Variants in RBSN observed in about 807,000 individuals in gnomAD.
RBSN encodes rabenosyn-5.
Under a neutral mutation model 60.5 loss-of-function variants are expected in RBSN, and 34 were observed. The ratio of observed to expected loss-of-function variants is 0.56; its 90% CI spans 0.43 to 0.75. The LOEUF is 0.75. Ranked by LOEUF, RBSN falls within the 30% of genes least tolerant of loss-of-function variation. The pLI, the probability that RBSN is intolerant of heterozygous loss-of-function variation, is 0.00. For missense variants in RBSN, 845 were observed against 986.8 expected (o/e 0.86, Z 1.92); for synonymous variants, 322 against 366.9 (o/e 0.88, Z 1.40).
At chr3:15,078,286 A>G (rs1220090361) in intron 10 of RBSN, 125 bp from the exon 11 acceptor site, 11 of 719,818 alleles carry the variant, frequency 1.5e-5, no homozygotes, top group Non-Finnish European at 2.4e-5. Context: ...GGCATTTCAG[A>G]CTTTCAGATA....
chr3:15,089,478 C>CAAAA (rs796324060), intron 5 of RBSN, among the ~76,000 whole-genome samples: 51 of 79,174 alleles, frequency 6.4e-4, no homozygotes, highest in Admixed American at 1.3e-3. Context: ...AAAAAAAAAA[C>CAAAA]AAAAAAAAAA....
chr3:15,085,151 G>A (rs2043306777), intron 6 of RBSN, 106 bp from the exon 7 acceptor site: 1 of 1,300,946 alleles, frequency 7.7e-7, no homozygotes. Context: ...CATTCCTCAA[G>A]TCTCATCTGT....
At chr3:15,094,681 C>A (rs1224706165) in intron 4 of RBSN, among the ~76,000 whole-genome samples, 1 of 152,210 alleles carries the variant, frequency 6.6e-6, no homozygotes, top group Admixed American at 6.5e-5. Flanking sequence ...CACCAAAGCC[C>A]TCAGGATTTC....
In RBSN at chr3:15,071,556, G is replaced by A. The variant is rs1185671149; in HGVS notation, c.*2226C>T. ...CTGACATTCATTAACACACTCATAT[G>A]GCTGTTTGTGAACAGATCCCAAATG... On this transcript the variant is annotated 3_prime_UTR_variant, in exon 14 of 14. Coordinates refer to ENST00000253699, the MANE Select transcript of RBSN (RefSeq NM_022340.4). 4 of 152,186 alleles carry A rather than the reference G, an allele frequency of 2.6e-5. No individual in the cohort carries two copies. 9.4% of individuals were successfully genotyped at this position (152,186 alleles called of 1,614,324 possible).
At position 15,082,474 on chromosome 3, in the gene RBSN, C is replaced by A. The variant is rs1192877985; in HGVS notation, c.733G>T (p.Asp245Tyr). The A allele has an allele frequency of 6.2e-7, 1 of 1,614,190 alleles. No homozygotes were observed. The highest frequency in any genetic ancestry group is 8.5e-7 in the Non-Finnish European group (1 of 1,180,030). Residue 245 changes from aspartate to tyrosine, a missense_variant, in exon 9 of 14, where the codon GAC (aspartate) becomes TAC (tyrosine). Coordinates refer to ENST00000253699, the MANE Select transcript of RBSN (RefSeq NM_022340.4). This position sits in a 1 kb window ranked among gnomAD's most constrained non-coding sequence, Gnocchi z 4.2. ...GTACAGCAGCGGATCCGGTCATCGTCCTTCTCATCCAGGACCGAGCTGACA... is the reference window on the plus strand; with the variant it reads ...GTACAGCAGCGGATCCGGTCATCGTACTTCTCATCCAGGACCGAGCTGACA... ...SSVSSVLDEK[D>Y]DDRIRCCTHC... is the part of the protein sequence containing the mutation.
At chr3:15,086,616 C>T (rs1351657291) in intron 5 of RBSN, among the ~76,000 whole-genome samples, 1 of 152,234 alleles carries the variant, frequency 6.6e-6, no homozygotes, top group Non-Finnish European at 1.5e-5. Flanking sequence ...AAAGTCTTAA[C>T]TGACTCTCAT....
chr3:15,076,447 GA>G (rs924655370), intron 12 of RBSN, among the ~76,000 whole-genome samples: 101 of 138,628 alleles, frequency 7.3e-4, no homozygotes, highest in Non-Finnish European at 1.2e-3. Context: ...TTTAATAAAA[GA>G]AAAAAAAAAC....
chr3:15,089,495 T>C lies in RBSN; in HGVS notation c.289+904A>G, dbSNP rs7635974. Among the ~76,000 whole-genome samples the C allele has an allele frequency of 4.8e-3, 546 of 113,526 alleles. 3 individuals are homozygous for C. The highest frequency in any genetic ancestry group is 0.016 in the African/African-American group (518 of 32,382). 74.5% of individuals were successfully genotyped at this position (113,526 alleles called of 152,430 possible). On this transcript the variant is annotated intron_variant, in intron 5 of 13. Coordinates refer to ENST00000253699, the MANE Select transcript of RBSN (RefSeq NM_022340.4). ...AAAAAAAACAAAAAAAAAAAACAGATATGTAAGATTAGATAGTTCAACTAA... is the reference window on the plus strand; with the variant it reads ...AAAAAAAACAAAAAAAAAAAACAGACATGTAAGATTAGATAGTTCAACTAA...
intron 8 of RBSN, among the ~76,000 whole-genome samples, chr3:15,083,762 A>G (rs2043267084): frequency 6.6e-6 from 1 of 152,044 alleles, no homozygotes; most frequent in Admixed American, 6.6e-5. Context: ...TCTTTTCTAT[A>G]TGGCAGTGAG....
At position 15,073,792 on chromosome 3, in the gene RBSN, C is replaced by T; in HGVS notation, c.2345G>A (p.Gly782Asp). The change falls in exon 14 of 14, where the codon GGC becomes GAC. Residue 782 changes from glycine (G) to aspartate (D), a missense_variant. Gly to Asp is a moderately conservative substitution (Grantham distance 94). Coordinates refer to ENST00000253699, the MANE Select transcript of RBSN (RefSeq NM_022340.4). ...LKHTLAKQKG[G>D]TD ...CCTCTCCACTGCTGGTCAGTCAGTG[C>T]CCCCCTTCTGCTTGGCCAGGGTGTG... The T allele has an allele frequency of 6.2e-7, 1 of 1,600,572 alleles. No individual in the cohort carries two copies. The highest frequency in any genetic ancestry group is 1.8e-4 in the Middle Eastern group (1 of 5,670).
At chr3:15,089,472 A>AC (rs2043443829) in intron 5 of RBSN, among the ~76,000 whole-genome samples, 4 of 110,216 alleles carry the variant, frequency 3.6e-5, no homozygotes, top group African/African-American at 1.4e-4. Flanking sequence ...AAAAAAAAAA[A>AC]AAAAACAAAA....
In RBSN at chr3:15,074,804, G is replaced by C. The variant is rs780842745; in HGVS notation, c.1333C>G (p.Pro445Ala). Residue 445 changes from proline (P) to alanine (A), a missense_variant, in exon 14 of 14, where the codon CCA becomes GCA. Coordinates refer to ENST00000253699, the MANE Select transcript of RBSN (RefSeq NM_022340.4). The surrounding 1 kb of genome is among the most constrained non-coding windows in gnomAD (Gnocchi z 6.4). Reference protein sequence around the residue: ...APLRKAEGWLPLSGGQGQSED... With the variant: ...APLRKAEGWLALSGGQGQSED... ...CTCTGCCCCTGACCTCCTGACAGTGGGAGCCAGCCCTCAGCCTTTCTCAAG... is the reference window on the plus strand; with the variant it reads ...CTCTGCCCCTGACCTCCTGACAGTGCGAGCCAGCCCTCAGCCTTTCTCAAG... 68 of 1,614,110 alleles carry C rather than the reference G, an allele frequency of 4.2e-5. No homozygotes were observed. The South Asian group carries it at 7.1e-4, about 17-fold the overall frequency.
rs202028550 is a variant in RBSN, at chr3:15,084,913, C to T, written c.437-17G>A. The T allele has an allele frequency of 6.0e-5, 96 of 1,612,822 alleles. 1 individual carries two copies. Among genetic ancestry groups the T allele is most frequent in the South Asian group, 5.4e-4 (49 of 90,960 alleles). On this transcript the variant is annotated splice_polypyrimidine_tract_variant and intron_variant, in intron 7 of 13. Coordinates refer to ENST00000253699, the MANE Select transcript of RBSN (RefSeq NM_022340.4). The surrounding 1 kb of genome is among the most constrained non-coding windows in gnomAD (Gnocchi z 4.2). ...TTTCTATTGCTTTGGGAAGAGCAAA[C>T]CAACAAGAAAGCAGGCCATTTTAAA... is the stretch of plus-strand genomic sequence containing the variant.
In RBSN at chr3:15,070,192, C is replaced by T. The variant is rs2042900472; in HGVS notation, c.*3590G>A. 6.6e-6 allele frequency: 1 copy of T among 152,632 alleles called. No homozygotes were observed. Among genetic ancestry groups the T allele is most frequent in the African/African-American group, 2.4e-5 (1 of 41,442 alleles). The allele number at this position is 152,632 out of a possible 1,614,324, so 9.5% of individuals were successfully genotyped here. ...GTCAGATAACAAGCACAATCTGCTA[C>T]AGTCTGTGACCTGGTAAAGAGACCA... On this transcript the variant is annotated 3_prime_UTR_variant, in exon 14 of 14. Transcript: ENST00000253699.
chr3:15,096,384 T>A (rs968009860), intron 3 of RBSN, 96 bp from the exon 4 acceptor site: 4 of 362,248 alleles, frequency 1.1e-5, no homozygotes, highest in Non-Finnish European at 2.0e-5. Flanking sequence ...ATGGGGTACT[T>A]AATGTTTATT....
At chr3:15,094,535 C>A (rs2043601528) in intron 4 of RBSN, among the ~76,000 whole-genome samples, 1 of 152,178 alleles carries the variant, frequency 6.6e-6, no homozygotes, top group African/African-American at 2.4e-5. Flanking sequence ...CACCTTCTTG[C>A]AGAGTTGTTA....
chr3:15,083,523 C>A (rs1202133178), intron 8 of RBSN, among the ~76,000 whole-genome samples: 1 of 151,972 alleles, frequency 6.6e-6, no homozygotes, highest in Non-Finnish European at 1.5e-5. Context: ...CCTCCACACA[C>A]CCCCAACTAT....
intron 2 of RBSN, among the ~76,000 whole-genome samples, chr3:15,097,283 G>A (rs2043685408): frequency 6.6e-6 from 1 of 152,210 alleles, no homozygotes; most frequent in Admixed American, 6.5e-5. Flanking sequence ...GGGAGGCCAA[G>A]GCAGGCGGAT....
At chr3:15,079,089 A>T (rs940656928) in intron 10 of RBSN, among the ~76,000 whole-genome samples, 5 of 152,136 alleles carry the variant, frequency 3.3e-5, no homozygotes, top group African/African-American at 1.2e-4. Context: ...AACGATCTTA[A>T]GCAGGGATCA....
Sources: allele counts gnomAD v4.1 joint callset (sites outside exome capture counted in the v4.1 genomes callset), GRCh38; gene constraint gnomAD v4.1.1; non-coding constraint Gnocchi (gnomAD v3.1); transcripts MANE v1.5; gene names NCBI Gene and HGNC (gene_info 2026-07-23, HGNC 2026-07-21).